XRN1: variants seen among roughly 807,000 people sequenced by gnomAD.
XRN1 encodes 5'-3' exoribonuclease 1.
Under a neutral mutation model 222.3 loss-of-function variants are expected in XRN1, and 67 were observed. That is an observed-to-expected ratio of 0.30 (90% confidence interval 0.25 to 0.37). The LOEUF is 0.37. XRN1 is among the 10% of genes least tolerant of loss of function. The pLI, the probability that XRN1 is intolerant of heterozygous loss-of-function variation, is 1.00. For synonymous variants in XRN1, 643 were observed against 652.4 expected, an observed-to-expected ratio of 0.99 and a Z score of 0.22; for missense variants, 1,707 against 2,000.2, an observed-to-expected ratio of 0.85 and a Z score of 2.80.
chr3:142,408,969 A>G (rs2068457643), intron 15 of XRN1, among the ~76,000 whole-genome samples: 1 of 152,086 alleles, frequency 6.6e-6, no homozygotes, highest in South Asian at 2.1e-4. Context: ...GCACTTTTCC[A>G]TTGTTTATTA....
At chr3:142,326,882 T>A (rs919218176) in intron 37 of XRN1, among the ~76,000 whole-genome samples, 9 of 152,274 alleles carry the variant, frequency 5.9e-5, no homozygotes, top group Non-Finnish European at 8.8e-5. Flanking sequence ...GAAATGATCA[T>A]ATGGTTTTTG....
chr3:142,337,644 A>C (rs1163048236), intron 33 of XRN1, among the ~76,000 whole-genome samples: 1 of 152,214 alleles, frequency 6.6e-6, no homozygotes, highest in African/African-American at 2.4e-5. Context: ...AAATTTAAAG[A>C]GTATAAACAT....
chr3:142,430,358 T>C (rs1270317361), intron 2 of XRN1, among the ~76,000 whole-genome samples: 3 of 152,198 alleles, frequency 2.0e-5, no homozygotes, highest in Non-Finnish European at 2.9e-5. Flanking sequence ...AAATCCCTCC[T>C]TAACACTAGA....
At chr3:142,351,015 G>C (rs1349741420) in intron 32 of XRN1, among the ~76,000 whole-genome samples, 1 of 152,268 alleles carries the variant, frequency 6.6e-6, no homozygotes, top group South Asian at 2.1e-4. Flanking sequence ...AGAAGTTTGG[G>C]AGACATGATG....
intron 36 of XRN1, 89 bp from the exon 37 acceptor site, chr3:142,329,704 C>A: frequency 1.6e-6 from 2 of 1,271,682 alleles, no homozygotes; most frequent in South Asian, 3.3e-5. Flanking sequence ...GAAGAGCAAG[C>A]AGGAAACTGC....
Position 142,447,165 on chromosome 3 carries a change from A to T in XRN1, c.75+705T>A, listed in dbSNP as rs939005201. On this transcript the variant is annotated intron_variant, in intron 1 of 40. Transcript: ENST00000392981. The surrounding 1 kb of genome is among the most constrained non-coding windows in gnomAD (Gnocchi z 4.2). ...TTGTCCTGGGGTCAGTACATGCCAA[A>T]TATTATTAGTAGTATTAATGTTCTA... 1.3e-5 allele frequency among the ~76,000 whole-genome samples: 2 copies of T among 152,120 alleles called. No individual in the cohort carries two copies. The highest frequency in any genetic ancestry group is 4.8e-5 in the African/African-American group (2 of 41,418).
At chr3:142,437,038 C>A (rs1017227115) in intron 1 of XRN1, among the ~76,000 whole-genome samples, 2 of 152,054 alleles carry the variant, frequency 1.3e-5, no homozygotes, top group African/African-American at 4.8e-5. Context: ...TTGAAAAATT[C>A]TCTTAGGTTT....
In XRN1 at chr3:142,433,792, T is replaced by C. The variant is rs574164566; in HGVS notation, c.76-899A>G. Among the ~76,000 whole-genome samples the C allele has an allele frequency of 6.2e-4, 94 of 152,304 alleles. 3 individuals carry two copies. In the South Asian group the frequency reaches 0.019, roughly 31 times the overall value. ...TTTGAATTTTTTCCTTGTATAAACATAATAGAAATCACTTCTGAAACAGTA... is the reference window on the plus strand; with the variant it reads ...TTTGAATTTTTTCCTTGTATAAACACAATAGAAATCACTTCTGAAACAGTA... On this transcript the variant is annotated intron_variant, in intron 1 of 40. Coordinates refer to ENST00000392981, the MANE Select transcript of XRN1 (RefSeq NM_001282857.2).
chr3:142,426,714 C>T (rs759691923), intron 3 of XRN1, 30 bp downstream of exon 3: 81 of 1,567,590 alleles, frequency 5.2e-5, no homozygotes, highest in Non-Finnish European at 6.6e-5. Context: ...TATTTCAATT[C>T]TGTCATAATT....
chr3:142,423,699 T>C, intron 5 of XRN1, 57 bp from the exon 6 acceptor site: 1 of 1,353,080 alleles, frequency 7.4e-7, no homozygotes, highest in Admixed American at 2.7e-5. Context: ...AATATTAGGT[T>C]CACAAAAGCA....
chr3:142,370,526 C>T lies in XRN1; in HGVS notation c.3163G>A (p.Ala1055Thr). Residue 1055 changes from alanine to threonine, a missense_variant, in exon 27 of 41, where the codon GCT becomes ACT. This residue lies in a region of XRN1 where 1,234 missense variants were observed against 1,518.2 expected (regional missense o/e 0.81). Coordinates refer to ENST00000392981, the MANE Select transcript of XRN1 (RefSeq NM_001282857.2). ...TCTTCCTCAATTTTCTCAACAATAG[C>T]TGCATCCAGAATTTGTAAATCACAA... ...SSCDLQILDA[A>T]IVEKIEEEVE... 6.2e-7 allele frequency: 1 copy of T among 1,607,204 alleles called. No homozygotes were observed. Among genetic ancestry groups the T allele is most frequent in the East Asian group, 2.3e-5 (1 of 44,244 alleles).
chr3:142,421,560 T>A lies in XRN1; in HGVS notation c.968-17A>T. 6.4e-7 allele frequency: 1 copy of A among 1,564,330 alleles called. No homozygotes were observed. Among genetic ancestry groups the A allele is most frequent in the Non-Finnish European group, 8.7e-7 (1 of 1,150,044 alleles). Reference sequence around the variant, plus strand: ...TAATATAACCTAAAAGAAACAAAAATTTAAATCTGTACTAAAAGCTGACAT... The same window carrying A: ...TAATATAACCTAAAAGAAACAAAAAATTAAATCTGTACTAAAAGCTGACAT... On this transcript the variant is annotated splice_polypyrimidine_tract_variant and intron_variant, in intron 8 of 40. Coordinates refer to ENST00000392981, the MANE Select transcript of XRN1 (RefSeq NM_001282857.2).
chr3:142,347,313 T>C lies in XRN1; in HGVS notation c.3798A>G (p.Gln1266=), dbSNP rs370563167. ...KGAVLPQEIS[Q]VNQHHKSGFN... ...AGCCAGATTTATGATGTTGATTTAC[T>C]TGGCTTATTTCTTGAGGTAGAACTG... Residue 1266 remains glutamine, a synonymous_variant, in exon 33 of 41, where the codon CAA becomes CAG. Coordinates refer to ENST00000392981, the MANE Select transcript of XRN1 (RefSeq NM_001282857.2). The C allele has an allele frequency of 7.3e-5, 118 of 1,606,610 alleles. No individual in the cohort carries two copies. The highest frequency in any genetic ancestry group is 4.0e-4 in the Admixed American group (24 of 59,398).
intron 2 of XRN1, among the ~76,000 whole-genome samples, chr3:142,431,878 T>TA (rs2069566029): frequency 1.8e-4 from 10 of 55,592 alleles, no homozygotes; most frequent in African/African-American, 6.5e-4. Flanking sequence ...TATTATATTA[T>TA]ATATATTATA....
At chr3:142,350,976 A>G (rs2066287394) in intron 32 of XRN1, among the ~76,000 whole-genome samples, 1 of 152,208 alleles carries the variant, frequency 6.6e-6, no homozygotes, top group Non-Finnish European at 1.5e-5. Flanking sequence ...CTGAGTCTAA[A>G]TATCATGGAG....
At chr3:142,330,195 A>G (rs1409438474) in intron 36 of XRN1, among the ~76,000 whole-genome samples, 1 of 152,208 alleles carries the variant, frequency 6.6e-6, no homozygotes, top group Non-Finnish European at 1.5e-5. Context: ...AAAAGAATGA[A>G]TAAACAAATG....
intron 9 of XRN1, 63 bp downstream of exon 9, chr3:142,421,413 A>T (rs1441191778): frequency 7.5e-7 from 1 of 1,335,134 alleles, no homozygotes; most frequent in East Asian, 2.4e-5. Flanking sequence ...GGTATTACAT[A>T]ATTGGTGACT....
At position 142,422,770 on chromosome 3, in the gene XRN1, A is replaced by G. The variant is rs2069092921; in HGVS notation, c.799-20T>C. Reference sequence around the variant, plus strand: ...CTTTTCCTACAGTAAAATAGAGAACAAAGTCAAATCCAGTGAAAATTTCTG... The same window carrying G: ...CTTTTCCTACAGTAAAATAGAGAACGAAGTCAAATCCAGTGAAAATTTCTG... On this transcript the variant is annotated intron_variant, in intron 7 of 40. Transcript: ENST00000392981. The G allele has an allele frequency of 1.2e-6, 2 of 1,607,842 alleles. No individual in the cohort carries two copies. Among genetic ancestry groups the G allele is most frequent in the Admixed American group, 1.7e-5 (1 of 58,812 alleles).
intron 23 of XRN1, among the ~76,000 whole-genome samples, chr3:142,379,595 G>T (rs949965331): frequency 6.6e-6 from 1 of 152,208 alleles, no homozygotes; most frequent in Non-Finnish European, 1.5e-5. Flanking sequence ...AAGAACGCCA[G>T]TGGAATTTTT....
Sources: allele counts gnomAD v4.1 joint callset (sites outside exome capture counted in the v4.1 genomes callset), GRCh38; gene constraint gnomAD v4.1.1; regional missense constraint gnomAD v4.1.1; non-coding constraint Gnocchi (gnomAD v3.1); transcripts MANE v1.5; gene names NCBI Gene and HGNC (gene_info 2026-07-23, HGNC 2026-07-21).